ANO10: variants seen among roughly 807,000 people sequenced by gnomAD.
The protein encoded by ANO10 is anoctamin 10.
ANO10 carries 77 observed loss-of-function variants against 74.7 expected under a neutral mutation model. The ratio of observed to expected loss-of-function variants is 1.03; its 90% CI spans 0.86 to 1.25. The LOEUF (loss-of-function observed/expected upper bound fraction) is 1.25, where lower values mean the gene tolerates loss of function less well. ANO10 is among the 50% of genes most tolerant of loss of function. The pLI, the probability that ANO10 is intolerant of heterozygous loss-of-function variation, is 0.00. For synonymous variants in ANO10, 279 were observed against 284.9 expected (o/e 0.98, Z 0.21); for missense variants, 721 against 778.1 (o/e 0.93, Z 0.87).
At chr3:43,566,306 G>A (rs2080338191) in intron 7 of ANO10, among the ~76,000 whole-genome samples, 2 of 152,344 alleles carry the variant, frequency 1.3e-5, no homozygotes, top group Admixed American at 6.5e-5. Context: ...CAAAGCAGCT[G>A]GGAAGCTCGA....
intron 11 of ANO10, among the ~76,000 whole-genome samples, chr3:43,480,714 C>G (rs1263121031): frequency 1.3e-5 from 2 of 152,150 alleles, no homozygotes; most frequent in African/African-American, 4.8e-5. Flanking sequence ...TGGAGGTGAA[C>G]TGCCCAAATG....
chr3:43,690,886 A>C, intron 1 of ANO10: 1 of 1,276,578 alleles, frequency 7.8e-7, no homozygotes, highest in Non-Finnish European at 1.0e-6. Context: ...CGGAAGACGC[A>C]TGCGCTGGCG....
At chr3:43,672,231 A>C (rs183782761) in intron 1 of ANO10, among the ~76,000 whole-genome samples, 4 of 152,272 alleles carry the variant, frequency 2.6e-5, no homozygotes, top group Non-Finnish European at 5.9e-5. Flanking sequence ...ACTTCAACTA[A>C]CAAGAAAACA....
chr3:43,655,488 A>T (rs978014285), intron 1 of ANO10, among the ~76,000 whole-genome samples: 3 of 152,096 alleles, frequency 2.0e-5, no homozygotes, highest in Admixed American at 6.6e-5. Flanking sequence ...GTGGGAGGGG[A>T]CCCAAGCGGG....
chr3:43,503,156 C>A (rs2077161208), intron 11 of ANO10, among the ~76,000 whole-genome samples: 1 of 152,116 alleles, frequency 6.6e-6, no homozygotes, highest in South Asian at 2.1e-4. Flanking sequence ...GAGAACACTA[C>A]AGTTATGGAT....
chr3:43,572,835 GAGCAGTA>G (rs766344336), intron 7 of ANO10, among the ~76,000 whole-genome samples: 11 of 152,144 alleles, frequency 7.2e-5, no homozygotes, highest in Non-Finnish European at 1.5e-4. Context: ...TCTAGAAAGT[GAGCAGTA>G]AGATCAACAC....
At chr3:43,413,840 G>C (rs1239431807) in intron 12 of ANO10, among the ~76,000 whole-genome samples, 2 of 151,684 alleles carry the variant, frequency 1.3e-5, no homozygotes, top group East Asian at 3.9e-4. Flanking sequence ...TACCAGGAAA[G>C]TAGCCTGCAT....
chr3:43,445,908 C>T lies in ANO10; in HGVS notation c.1798-13181G>A, dbSNP rs1007201801. The stretch of plus-strand genomic sequence containing the variant: ...AGAGACGGGGTTTTGCCATGTTGCC[C>T]AGGCTGGTCTTGAACTCCTGAGCTC... On this transcript the variant is annotated intron_variant, in intron 11 of 12. Coordinates refer to ENST00000292246, the MANE Select transcript of ANO10 (RefSeq NM_018075.5). Among the ~76,000 whole-genome samples the T allele has an allele frequency of 6.6e-5, 10 of 152,194 alleles. No individual in the cohort carries two copies. In the South Asian group the frequency reaches 1.4e-3, roughly 22 times the overall value.
At chr3:43,404,785 G>C (rs949467509) in intron 12 of ANO10, among the ~76,000 whole-genome samples, 1 of 148,768 alleles carries the variant, frequency 6.7e-6, no homozygotes, top group Admixed American at 6.8e-5. Flanking sequence ...TCAGGAGGCT[G>C]AGATGGAAGA....
intron 4 of ANO10, among the ~76,000 whole-genome samples, chr3:43,588,797 T>G (rs182147657): frequency 6.6e-5 from 10 of 152,070 alleles, no homozygotes; most frequent in Non-Finnish European, 1.2e-4. Context: ...AAAGGTGCAA[T>G]AGACAATAAA....
chr3:43,632,894 A>G (rs1235732459), intron 1 of ANO10, among the ~76,000 whole-genome samples: 2 of 152,244 alleles, frequency 1.3e-5, no homozygotes, highest in Non-Finnish European at 2.9e-5. Flanking sequence ...TAAAAAGTCT[A>G]TACAAAGAGC....
At chr3:43,544,884 A>C (rs112235848) in intron 11 of ANO10, among the ~76,000 whole-genome samples, 1 of 152,080 alleles carries the variant, frequency 6.6e-6, no homozygotes, top group African/African-American at 2.4e-5. Context: ...AAAGCAATAG[A>C]AACTATCAAT....
chr3:43,451,196 G>A (rs555204727), intron 11 of ANO10, among the ~76,000 whole-genome samples: 36 of 152,268 alleles, frequency 2.4e-4, no homozygotes, highest in African/African-American at 7.5e-4. Flanking sequence ...ACATGCTGCC[G>A]AGATGTCCCA....
chr3:43,455,185 A>G (rs991346149), intron 11 of ANO10, among the ~76,000 whole-genome samples: 1 of 152,156 alleles, frequency 6.6e-6, no homozygotes, highest in African/African-American at 2.4e-5. Context: ...GCCAAGAGCA[A>G]GGGAGGGAAG....
At chr3:43,525,794 AGT>A (rs2078171564) in intron 11 of ANO10, among the ~76,000 whole-genome samples, 1 of 152,136 alleles carries the variant, frequency 6.6e-6, no homozygotes, top group Non-Finnish European at 1.5e-5. Flanking sequence ...CTCCATTGTG[AGT>A]TTTCCTCCTT....
chr3:43,658,481 A>ATTATTATTT (rs1332446138), intron 1 of ANO10, among the ~76,000 whole-genome samples: 1 of 151,188 alleles, frequency 6.6e-6, no homozygotes, highest in Non-Finnish European at 1.5e-5. Context: ...TATTATTATT[A>ATTATTATTT]TTTTTTGAGA....
intron 1 of ANO10, among the ~76,000 whole-genome samples, chr3:43,678,122 T>A (rs759463545): frequency 1.3e-5 from 2 of 152,216 alleles, no homozygotes; most frequent in Non-Finnish European, 2.9e-5. Context: ...CTACCTTAAA[T>A]GTCCTGAGCA....
intron 11 of ANO10, among the ~76,000 whole-genome samples, chr3:43,464,069 G>T (rs6775337): frequency 0.22 from 33,849 of 152,080 alleles, 4,293 homozygotes; most frequent in Middle Eastern, 0.35. Context: ...ATGATCATGA[G>T]GCTTCCTCAG....
intron 1 of ANO10, among the ~76,000 whole-genome samples, chr3:43,632,973 A>G (rs2083564527): frequency 6.6e-6 from 1 of 152,236 alleles, no homozygotes; most frequent in African/African-American, 2.4e-5. Context: ...CAACCTTTAG[A>G]TCAAATCAAT....
Sources: gnomAD v4.1 joint callset for allele counts (sites outside exome capture counted in the v4.1 genomes callset) on GRCh38, gnomAD v4.1.1 for gene constraint, MANE v1.5 for transcripts, NCBI Gene and HGNC (gene_info 2026-07-23, HGNC 2026-07-21) for gene names.